DAB1: variants seen among roughly 807,000 people sequenced by gnomAD.
DAB1 encodes disabled homolog 1.
In DAB1, 15 loss-of-function variants were observed where a neutral mutation model predicts 64.6. That is an observed-to-expected ratio of 0.23 (90% confidence interval 0.16 to 0.36). DAB1 has a LOEUF of 0.36. Ranked by LOEUF, DAB1 falls within the 10% of genes least tolerant of loss-of-function variation. The pLI is 1.00. For synonymous variants in DAB1, 235 were observed against 251.9 expected (o/e 0.93, Z 0.64); for missense variants, 596 against 706.7 (o/e 0.84, Z 1.78).
At chr1:58,174,323 GCCC>G (rs1450727479) in intron 4 of DAB1, among the ~76,000 whole-genome samples, 3 of 152,010 alleles carry the variant, frequency 2.0e-5, no homozygotes, top group African/African-American at 7.2e-5. Context: ...TCACCTTTGG[GCCC>G]TGTATTTTTA....
At chr1:57,876,849 G>A (rs1349175591) in intron 1 of DAB1, 1 of 152,048 alleles carries the variant, frequency 6.6e-6, no homozygotes, top group East Asian at 1.9e-4. Context: ...GCAGGTGAAG[G>A]TCACAGGGAG....
intron 5 of DAB1, among the ~76,000 whole-genome samples, chr1:58,100,900 A>T (rs1386687403): frequency 6.6e-6 from 1 of 152,178 alleles, no homozygotes; most frequent in Non-Finnish European, 1.5e-5. Flanking sequence ...GAGTCGGGTA[A>T]GGTCCAAAAC....
intron 5 of DAB1, among the ~76,000 whole-genome samples, chr1:57,892,135 G>T (rs2101983744): frequency 6.6e-6 from 1 of 152,290 alleles, no homozygotes; most frequent in Non-Finnish European, 1.5e-5. Flanking sequence ...AGAGCCTATA[G>T]CACTATAGTA....
At chr1:57,710,117 T>C (rs905263094) in intron 6 of DAB1, among the ~76,000 whole-genome samples, 4 of 152,172 alleles carry the variant, frequency 2.6e-5, no homozygotes, top group African/African-American at 9.7e-5. Context: ...CTGAAGTTAT[T>C]GGGTGTTTAA....
chr1:58,387,102 G>A (rs1489941316), intron 3 of DAB1, among the ~76,000 whole-genome samples: 2 of 152,054 alleles, frequency 1.3e-5, no homozygotes, highest in Non-Finnish European at 1.5e-5. Flanking sequence ...AACAAAAAAA[G>A]TGTTTTGGAA....
intron 2 of DAB1, among the ~76,000 whole-genome samples, chr1:58,522,695 C>G (rs1268979853): frequency 1.3e-5 from 2 of 152,146 alleles, no homozygotes; most frequent in Non-Finnish European, 2.9e-5. Context: ...CTACTGTTGA[C>G]CTTGCCAGTA....
At chr1:57,185,406 G>A (rs1663438617) in intron 2 of DAB1, among the ~76,000 whole-genome samples, 1 of 152,130 alleles carries the variant, frequency 6.6e-6, no homozygotes, top group Non-Finnish European at 1.5e-5. Flanking sequence ...CTTCTGGCTT[G>A]AATACCTGGG....
At chr1:57,878,000 C>A (rs1281014274) in intron 1 of DAB1, among the ~76,000 whole-genome samples, 1 of 152,166 alleles carries the variant, frequency 6.6e-6, no homozygotes, top group Non-Finnish European at 1.5e-5. Flanking sequence ...TCTTAACGCA[C>A]TGTCTTTAGT....
intron 6 of DAB1, among the ~76,000 whole-genome samples, chr1:57,699,937 C>T (rs1293157016): frequency 6.6e-6 from 1 of 151,974 alleles, no homozygotes; most frequent in African/African-American, 2.4e-5. Flanking sequence ...AATAAGGAAA[C>T]ATTCTAGTGT....
chr1:57,829,645 G>T (rs536654868), intron 1 of DAB1, among the ~76,000 whole-genome samples: 1 of 152,206 alleles, frequency 6.6e-6, no homozygotes, highest in Non-Finnish European at 1.5e-5. Context: ...ACACAATATG[G>T]TAGACAGTCT....
intron 5 of DAB1, among the ~76,000 whole-genome samples, chr1:58,022,957 C>G (rs1646835746): frequency 6.6e-6 from 1 of 152,088 alleles, no homozygotes; most frequent in African/African-American, 2.4e-5. Flanking sequence ...AACACAATGC[C>G]TCACATGGCA....
At chr1:58,186,140 T>C (rs1241082689) in intron 4 of DAB1, among the ~76,000 whole-genome samples, 1 of 152,188 alleles carries the variant, frequency 6.6e-6, no homozygotes, top group African/African-American at 2.4e-5. Flanking sequence ...TCTGGCAGGA[T>C]CACTAGTAAG....
At chr1:57,743,781 C>G (rs1648123313) in intron 6 of DAB1, among the ~76,000 whole-genome samples, 2 of 152,248 alleles carry the variant, frequency 1.3e-5, no homozygotes, top group African/African-American at 2.4e-5. Flanking sequence ...AGGGGTCTCA[C>G]AGCCTTCAGA....
At chr1:57,822,223 G>C (rs898331255), downstream of DAB1, among the ~76,000 whole-genome samples, 1 of 152,216 alleles carries the variant, frequency 6.6e-6, no homozygotes, top group Non-Finnish European at 1.5e-5. Flanking sequence ...TGGACAGGAA[G>C]TATCATGCTG....
intron 7 of DAB1, among the ~76,000 whole-genome samples, chr1:57,594,111 C>T (rs1475853822): frequency 6.6e-6 from 1 of 152,142 alleles, no homozygotes; most frequent in Non-Finnish European, 1.5e-5. Flanking sequence ...ATATTACTGT[C>T]CTACTCCTCT....
intron 5 of DAB1, among the ~76,000 whole-genome samples, chr1:57,945,416 C>G (rs1169858290): frequency 6.9e-6 from 1 of 144,452 alleles, no homozygotes; most frequent in Non-Finnish European, 1.5e-5. Flanking sequence ...TATACCACCA[C>G]ACTTGCTAAT....
rs540530956 is a variant in DAB1 at position 57,839,130 on chromosome 1, A to G, written n.88-12675T>C. On this transcript the variant is annotated intron_variant and non_coding_transcript_variant, in intron 1 of 1. Coordinates refer to the DAB1 transcript ENST00000477280. ...CCTTCTTTTCAAGATTGTCTGGAGG[A>G]TTTCTCTAGTAATTCCCCTAAATGC... Among the ~76,000 whole-genome samples the G allele has an allele frequency of 3.3e-5, 5 of 152,214 alleles. No individual in the cohort carries two copies. The East Asian group carries it at 9.6e-4, about 29-fold the overall frequency.
At chr1:57,136,663 T>C (rs764718544) in intron 3 of DAB1, 22 bp from the exon 4 acceptor site, 1 of 1,475,346 alleles carries the variant, frequency 6.8e-7, no homozygotes, top group Non-Finnish European at 9.2e-7. Context: ...AAGAACATGG[T>C]TTTTACTTAA....
At chr1:57,168,062 C>T (rs1661370994) in intron 2 of DAB1, among the ~76,000 whole-genome samples, 1 of 152,164 alleles carries the variant, frequency 6.6e-6, no homozygotes, top group South Asian at 2.1e-4. Context: ...AATGTCGTAA[C>T]AGTCACCACA....
Sources: gnomAD v4.1 joint callset for allele counts (sites outside exome capture counted in the v4.1 genomes callset) on GRCh38, gnomAD v4.1.1 for gene constraint, MANE v1.5 for transcripts, NCBI Gene and HGNC (gene_info 2026-07-23, HGNC 2026-07-21) for gene names.